The following BAG2 variants were observed in gnomAD, a reference collection of about 807,000 sequenced individuals.
The protein encoded by BAG2 is BAG cochaperone 2, also known as BAG family molecular chaperone regulator 2.
Under a neutral mutation model 16.4 loss-of-function variants are expected in BAG2, and 8 were observed. That is an observed-to-expected ratio of 0.49 (90% CI 0.29 to 0.88). BAG2 has a LOEUF of 0.88. BAG2 is among the 40% of genes least tolerant of loss of function. The probability of loss-of-function intolerance (pLI) is 0.09; values close to 1 mark genes in which losing one functional copy is unlikely to be tolerated. For synonymous variants in BAG2, 82 were observed against 89.2 expected (o/e 0.92, Z 0.46); for missense variants, 218 against 248.9 (o/e 0.88, Z 0.84).
chr6:57,176,251 G>A (rs1212940274), intron 1 of BAG2, among the ~76,000 whole-genome samples: 1 of 152,146 alleles, frequency 6.6e-6, no homozygotes, highest in African/African-American at 2.4e-5. Context: ...AAGCTTAAAT[G>A]ACTTGTCCAA....
chr6:57,174,186 G>A (rs1764212972), intron 1 of BAG2: 1 of 1,088,938 alleles, frequency 9.2e-7, no homozygotes, highest in Non-Finnish European at 1.1e-6. Context: ...CCTCTAACTG[G>A]TAATGTTTCT....
intron 1 of BAG2, among the ~76,000 whole-genome samples, chr6:57,175,894 GAACCCC>G (rs1294042567): frequency 6.6e-6 from 1 of 152,188 alleles, no homozygotes; most frequent in African/African-American, 2.4e-5. Flanking sequence ...GGGGACATGG[GAACCCC>G]AATTTGAAGC....
chr6:57,172,517 G>T lies in BAG2; in HGVS notation c.-181G>T. ...CCCGAGCCCCGCGGGCGCCGCGCCT[G>T]CCCTTCTTTGGCTACGCTGCAGCCG... On this transcript the variant is annotated 5_prime_UTR_variant, in exon 1 of 3. Coordinates refer to ENST00000370693, the MANE Select transcript of BAG2 (RefSeq NM_004282.4). 2.2e-6 allele frequency: 1 copy of T among 464,910 alleles called. No homozygotes were observed. 28.8% of individuals were successfully genotyped at this position (464,910 alleles called of 1,614,324 possible). A position where few individuals can be genotyped will look rare whatever the true frequency, so the allele number is the denominator to read the frequency against.
chr6:57,187,741 A>ATGTT lies in BAG2; in HGVS notation c.*3552_*3555dup, dbSNP rs778952906. 2.0e-5 allele frequency: 3 copies of ATGTT among 152,178 alleles called. No individual in the cohort carries two copies. The East Asian group carries it at 5.8e-4, about 29-fold the overall frequency. The allele number at this position is 152,178 out of a possible 1,614,324, so 9.4% of individuals were successfully genotyped here. The stretch of plus-strand genomic sequence containing the variant: ...TAAAACTCACAGGTCCAAGGAGTAC[A>ATGTT]TGTTATTTATTGAGAGTTCCTTCTG... On this transcript the variant is annotated 3_prime_UTR_variant, in exon 3 of 3. Transcript: ENST00000370693.
rs1157415764 is a variant in BAG2, at chr6:57,188,070, A to T, written c.*3880A>T. 1 of 152,218 alleles carries T rather than the reference A, an allele frequency of 6.6e-6. No individual in the cohort carries two copies. Among genetic ancestry groups the T allele is most frequent in the African/African-American group, 2.4e-5 (1 of 41,468 alleles). The allele number at this position is 152,218 out of a possible 1,614,324, so 9.4% of individuals were successfully genotyped here. On this transcript the variant is annotated 3_prime_UTR_variant, in exon 3 of 3. Transcript: ENST00000370693. ...ATGTCTACGCAAAAGATTAGCCGTAATGTTAAAAAAGTAGATTAGAGCACA... is the reference window on the plus strand; with the variant it reads ...ATGTCTACGCAAAAGATTAGCCGTATTGTTAAAAAAGTAGATTAGAGCACA...
rs1764667323 is a variant in BAG2 at position 57,187,857 on chromosome 6, T to C, written c.*3667T>C. On this transcript the variant is annotated 3_prime_UTR_variant, in exon 3 of 3. Coordinates refer to ENST00000370693, the MANE Select transcript of BAG2 (RefSeq NM_004282.4). ...TCATCCTCTTTTTGGTAGTTTTAGC[T>C]TTATTTTGAAAAAGTAACGTGTGCT... is the stretch of plus-strand genomic sequence containing the variant. 1 of 152,110 alleles carries C rather than the reference T, an allele frequency of 6.6e-6. No homozygotes were observed. Among genetic ancestry groups the C allele is most frequent in the Non-Finnish European group, 1.5e-5 (1 of 68,018 alleles). The allele number at this position is 152,110 out of a possible 1,614,324, so 9.4% of individuals were successfully genotyped here. A position where few individuals can be genotyped will look rare whatever the true frequency, so the allele number is the denominator to read the frequency against.
intron 1 of BAG2, chr6:57,174,341 G>A (rs1448619491): frequency 7.7e-7 from 1 of 1,304,024 alleles, no homozygotes; most frequent in Non-Finnish European, 1.0e-6. Context: ...ACTCCACTCC[G>A]CCTTCCTTCA....
chr6:57,185,305 G>A lies in BAG2; in HGVS notation c.*1115G>A, dbSNP rs2127993963. ...GTTGATTCTTCTTTTATCTGATAAA[G>A]TGTGAAGCAACTAGAGAACACTTAT... On this transcript the variant is annotated 3_prime_UTR_variant, in exon 3 of 3. Coordinates refer to ENST00000370693, the MANE Select transcript of BAG2 (RefSeq NM_004282.4). The A allele has an allele frequency of 2.0e-5, 3 of 152,252 alleles. No individual in the cohort carries two copies. In the Middle Eastern group the frequency reaches 0.01, roughly 518 times the overall value. The allele number at this position is 152,252 out of a possible 1,614,324, so 9.4% of individuals were successfully genotyped here.
rs1056934246 is a variant in BAG2, at chr6:57,188,281, CTAAT to C, written c.*4094_*4097del. On this transcript the variant is annotated 3_prime_UTR_variant, in exon 3 of 3. Coordinates refer to ENST00000370693, the MANE Select transcript of BAG2 (RefSeq NM_004282.4). ...AGGCCTACTTAATTATTTTAAATGA[CTAAT>C]TATGGTTAGGTTTAAAATACAGCAG... 2 of 151,918 alleles carry C rather than the reference CTAAT, an allele frequency of 1.3e-5. No individual in the cohort carries two copies. The highest frequency in any genetic ancestry group is 6.6e-5 in the Admixed American group (1 of 15,260). The allele number at this position is 151,918 out of a possible 1,614,324, so 9.4% of individuals were successfully genotyped here.
chr6:57,173,274 TAA>T, intron 1 of BAG2: 1 of 985,782 alleles, frequency 1.0e-6, no homozygotes, highest in Non-Finnish European at 1.2e-6. Context: ...CACGTGAAGT[TAA>T]GTTTCCTTGC....
intron 1 of BAG2, chr6:57,173,878 T>G (rs1303913357): frequency 6.5e-6 from 1 of 154,862 alleles, no homozygotes; most frequent in Non-Finnish European, 1.4e-5. Flanking sequence ...CACCCAAACA[T>G]GAAGTATCTG....
At chr6:57,173,609 T>C in intron 1 of BAG2, 3 of 736,650 alleles carry the variant, frequency 4.1e-6, no homozygotes, top group African/African-American at 1.9e-5. Context: ...CAATTTAATG[T>C]TAATAGATTT....
intron 1 of BAG2, among the ~76,000 whole-genome samples, chr6:57,175,137 C>G (rs973089735): frequency 6.6e-6 from 1 of 152,152 alleles, no homozygotes; most frequent in African/African-American, 2.4e-5. Flanking sequence ...ATTCCCTTTT[C>G]TCCGTTTTGA....
chr6:57,182,254 A>T (rs1764469591), intron 2 of BAG2, 113 bp downstream of exon 2: 1 of 730,284 alleles, frequency 1.4e-6, no homozygotes, highest in Non-Finnish European at 2.2e-6. Flanking sequence ...AGGCCACAGC[A>T]TTTAATGTGA....
Position 57,187,959 on chromosome 6 carries a change from A to G in BAG2, c.*3769A>G, listed in dbSNP as rs1056047454. The stretch of plus-strand genomic sequence containing the variant: ...TATATTGCCTTATATGGGTCATTCT[A>G]TATACTATTTAATTCATAGACAGAG... On this transcript the variant is annotated 3_prime_UTR_variant, in exon 3 of 3. Coordinates refer to ENST00000370693, the MANE Select transcript of BAG2 (RefSeq NM_004282.4). The G allele has an allele frequency of 2.6e-5, 4 of 151,236 alleles. No individual in the cohort carries two copies. Among genetic ancestry groups the G allele is most frequent in the African/African-American group, 7.3e-5 (3 of 40,898 alleles). The allele number at this position is 151,236 out of a possible 1,614,324, so 9.4% of individuals were successfully genotyped here. A position where few individuals can be genotyped will look rare whatever the true frequency, so the allele number is the denominator to read the frequency against.
At chr6:57,179,041 C>T (rs544048568) in intron 1 of BAG2, among the ~76,000 whole-genome samples, 2 of 152,144 alleles carry the variant, frequency 1.3e-5, no homozygotes, top group African/African-American at 4.8e-5. Flanking sequence ...AAATTAATCT[C>T]TTCTTTCAGC....
At chr6:57,182,202 A>G in intron 2 of BAG2, 61 bp downstream of exon 2, 1 of 1,473,608 alleles carries the variant, frequency 6.8e-7, no homozygotes, top group African/African-American at 1.4e-5. Context: ...GTTTATGATA[A>G]GTGTGGGTCA....
rs1269990658 is a variant in BAG2, at chr6:57,172,958, G to T, written c.113+148G>T. ...GAAGTTGCTTGTTGAGATTTGTTGT[G>T]GATGGACGTGGTGTAGTTTTGTTTG... On this transcript the variant is annotated intron_variant, in intron 1 of 2. Coordinates refer to ENST00000370693, the MANE Select transcript of BAG2 (RefSeq NM_004282.4). 8.3e-6 allele frequency: 6 copies of T among 725,240 alleles called. No homozygotes were observed. The African/African-American group carries it at 1.1e-4, about 14-fold the overall frequency. The allele number at this position is 725,240 out of a possible 1,614,324, so 44.9% of individuals were successfully genotyped here.
intron 1 of BAG2, among the ~76,000 whole-genome samples, chr6:57,174,808 C>T (rs1233790935): frequency 1.3e-5 from 2 of 152,016 alleles, no homozygotes; most frequent in Admixed American, 6.6e-5. Context: ...AAACATGAAA[C>T]TCATATGTAA....
Sources: gnomAD v4.1 joint callset for allele counts (sites outside exome capture counted in the v4.1 genomes callset) on GRCh38, gnomAD v4.1.1 for gene constraint, MANE v1.5 for transcripts, NCBI Gene and HGNC (gene_info 2026-07-23, HGNC 2026-07-21) for gene names.